MTDH: variants seen among roughly 807,000 people sequenced by gnomAD.
MTDH encodes the protein metadherin, also known as protein LYRIC.
MTDH carries 34 observed loss-of-function variants against 72.7 expected under a neutral mutation model. That is an observed-to-expected ratio of 0.47 (90% CI 0.36 to 0.62). The LOEUF is 0.62. Ranked by LOEUF, MTDH falls within the 20% of genes least tolerant of loss-of-function variation. The pLI is 0.00. For synonymous variants in MTDH, 266 were observed against 268.9 expected (o/e 0.99, Z 0.10); for missense variants, 677 against 699.4 (o/e 0.97, Z 0.36).
At chr8:97,661,198 G>T (rs1372539336) in intron 2 of MTDH, 25 bp downstream of exon 2, 2 of 1,498,522 alleles carry the variant, frequency 1.3e-6, no homozygotes, top group East Asian at 2.3e-5. Flanking sequence ...ATATGAAATT[G>T]TATGCAAGAC....
At position 97,716,395 on chromosome 8, in the gene MTDH, G is replaced by GAAA. The variant is rs1014962980; in HGVS notation, c.1380+2633_1380+2635dup. Reference sequence around the variant, plus strand: ...GAGTGAAACTCCATCTTAAAAGAAAGAAAAAAAAAGTTAGGCCGGGTGCGG... The same window carrying GAAA: ...GAGTGAAACTCCATCTTAAAAGAAAGAAAAAAAAAAAAGTTAGGCCGGGTGCGG... On this transcript the variant is annotated intron_variant, in intron 9 of 11. Coordinates refer to ENST00000336273, the MANE Select transcript of MTDH (RefSeq NM_178812.4). 4.9e-5 allele frequency among the ~76,000 whole-genome samples: 7 copies of GAAA among 143,760 alleles called. No individual in the cohort carries two copies. In the South Asian group the frequency reaches 1.3e-3, roughly 28 times the overall value. 94.3% of individuals were successfully genotyped at this position (143,760 alleles called of 152,430 possible).
chr8:97,681,326 AG>A (rs1488852702), intron 2 of MTDH, among the ~76,000 whole-genome samples: 1 of 152,110 alleles, frequency 6.6e-6, no homozygotes, highest in Non-Finnish European at 1.5e-5. Context: ...AAGGAATGTA[AG>A]GTTGAGATCA....
chr8:97,677,204 A>G (rs1471960887), intron 2 of MTDH, among the ~76,000 whole-genome samples: 3 of 94,694 alleles, frequency 3.2e-5, no homozygotes, highest in Non-Finnish European at 6.0e-5. Context: ...AAAAAAAAAA[A>G]AAAAAAAGGC....
intron 2 of MTDH, among the ~76,000 whole-genome samples, chr8:97,682,270 A>ATG (rs1563542535): frequency 1.1e-3 from 7 of 6,520 alleles, no homozygotes; most frequent in African/African-American, 4.0e-3. Flanking sequence ...ATATATATAT[A>ATG]TATATATATA....
intron 2 of MTDH, among the ~76,000 whole-genome samples, chr8:97,683,230 A>G (rs1318173228): frequency 6.6e-6 from 1 of 150,664 alleles, no homozygotes; most frequent in Non-Finnish European, 1.5e-5. Context: ...ACACCTGGCT[A>G]ATTTTTTGTA....
intron 1 of MTDH, among the ~76,000 whole-genome samples, chr8:97,659,476 C>T (rs1317396717): frequency 2.6e-5 from 4 of 152,196 alleles, no homozygotes; most frequent in Non-Finnish European, 5.9e-5. Context: ...TAAAAGACAG[C>T]TTTTGTTTTG....
intron 2 of MTDH, among the ~76,000 whole-genome samples, chr8:97,685,060 C>T (rs188491773): frequency 7.2e-5 from 11 of 151,942 alleles, no homozygotes; most frequent in African/African-American, 1.2e-4. Flanking sequence ...AGCGAGACTC[C>T]GTCTCAAAAA....
At chr8:97,708,270 T>C (rs1379139522) in intron 8 of MTDH, among the ~76,000 whole-genome samples, 57 of 66,594 alleles carry the variant, frequency 8.6e-4, no homozygotes, top group African/African-American at 3.2e-3. Context: ...AGGCCTTTTT[T>C]TTTTTTTTTT....
At chr8:97,659,246 C>T (rs1036276549) in intron 1 of MTDH, among the ~76,000 whole-genome samples, 1 of 152,120 alleles carries the variant, frequency 6.6e-6, no homozygotes, top group African/African-American at 2.4e-5. Context: ...AGGTTTCTTA[C>T]CTTTACCCAC....
At chr8:97,680,127 C>T (rs1563540605) in intron 2 of MTDH, among the ~76,000 whole-genome samples, 1 of 152,122 alleles carries the variant, frequency 6.6e-6, no homozygotes, top group Non-Finnish European at 1.5e-5. Flanking sequence ...AGCTGGAGTG[C>T]AGTGGTGCAA....
At chr8:97,706,520 C>A (rs1195170296) in intron 7 of MTDH, 106 bp from the exon 8 acceptor site, 12 of 1,110,836 alleles carry the variant, frequency 1.1e-5, no homozygotes, top group Non-Finnish European at 4.9e-6. Context: ...GGAGACAGAA[C>A]AATAACTTAA....
Position 97,726,092 on chromosome 8 carries a change from C to T in MTDH, c.*1422C>T, listed in dbSNP as rs1368574543. 1 of 152,608 alleles carries T rather than the reference C, an allele frequency of 6.6e-6. No individual in the cohort carries two copies. Among genetic ancestry groups the T allele is most frequent in the Non-Finnish European group, 1.5e-5 (1 of 68,036 alleles). 9.5% of individuals were successfully genotyped at this position (152,608 alleles called of 1,614,324 possible). Reference sequence around the variant, plus strand: ...GTCATTATATTTGACTGTGGTTCAACAGTATTGCGTTGTCAGACTAGGAAA... The same window carrying T: ...GTCATTATATTTGACTGTGGTTCAATAGTATTGCGTTGTCAGACTAGGAAA... On this transcript the variant is annotated 3_prime_UTR_variant, in exon 12 of 12. Transcript: ENST00000336273.
chr8:97,699,986 A>C (rs548328071), intron 7 of MTDH, 134 bp downstream of exon 7: 4 of 496,142 alleles, frequency 8.1e-6, no homozygotes, highest in Non-Finnish European at 1.4e-5. Flanking sequence ...TTTAATACCA[A>C]ATGTACTACT....
chr8:97,662,231 C>G (rs1184162039), intron 2 of MTDH, among the ~76,000 whole-genome samples: 31 of 150,044 alleles, frequency 2.1e-4, no homozygotes, highest in Non-Finnish European at 4.1e-4. Context: ...AGGGGTCTCA[C>G]TATGTTGCCC....
chr8:97,644,428 C>T lies in MTDH; in HGVS notation c.-79C>T, dbSNP rs1785255767. On this transcript the variant is annotated 5_prime_UTR_variant, in exon 1 of 12. Transcript: ENST00000336273. ...CGGCCTGAGGTTACCCGGCCCGGCC[C>T]TTCCTCGCTTCCCTCGACTATTCCA... is the stretch of plus-strand genomic sequence containing the variant. The T allele has an allele frequency of 3.4e-6, 5 of 1,489,474 alleles. No homozygotes were observed. The African/African-American group carries it at 5.8e-5, about 17-fold the overall frequency. The allele number at this position is 1,489,474 out of a possible 1,614,324, so 92.3% of individuals were successfully genotyped here.
intron 5 of MTDH, among the ~76,000 whole-genome samples, chr8:97,689,987 G>T (rs1813527796): frequency 1.4e-5 from 2 of 142,386 alleles, no homozygotes; most frequent in African/African-American, 5.4e-5. Context: ...GGAATTACAG[G>T]CATCAGGCTT....
intron 2 of MTDH, among the ~76,000 whole-genome samples, chr8:97,663,821 A>C (rs1812271459): frequency 1.3e-5 from 2 of 151,838 alleles, no homozygotes; most frequent in African/African-American, 4.8e-5. Flanking sequence ...CCTTATTTTC[A>C]CAAGGGCTTT....
At chr8:97,709,605 T>A (rs570881331) in intron 8 of MTDH, among the ~76,000 whole-genome samples, 1 of 152,342 alleles carries the variant, frequency 6.6e-6, no homozygotes, top group South Asian at 2.1e-4. Context: ...AGCTACATTG[T>A]TAGCATTATG....
intron 8 of MTDH, among the ~76,000 whole-genome samples, chr8:97,708,930 G>T (rs1004806862): frequency 1.3e-5 from 2 of 151,866 alleles, no homozygotes; most frequent in South Asian, 4.1e-4. Flanking sequence ...GATATAGGCC[G>T]GGCACAGTGG....
Sources: gnomAD v4.1 joint callset for allele counts (sites outside exome capture counted in the v4.1 genomes callset) on GRCh38, gnomAD v4.1.1 for gene constraint, MANE v1.5 for transcripts, NCBI Gene and HGNC (gene_info 2026-07-23, HGNC 2026-07-21) for gene names.